GPBP1: variants seen among roughly 807,000 people sequenced by gnomAD.
GPBP1 encodes the protein vasculin.
Under a neutral mutation model 56.5 loss-of-function variants are expected in GPBP1, and 13 were observed. The observed-to-expected ratio is 0.23, with a 90% CI of 0.15 to 0.37. The LOEUF (loss-of-function observed/expected upper bound fraction) is 0.37, where lower values mean the gene tolerates loss of function less well. Among genes scored for constraint, GPBP1 ranks in the 10% least tolerant of loss-of-function variants. GPBP1 has a pLI of 1.00. For synonymous variants in GPBP1, 204 were observed against 188.9 expected (o/e 1.08, Z -0.66); for missense variants, 477 against 572.3 (o/e 0.83, Z 1.70).
chr5:57,213,831 G>A (rs145295474), intron 2 of GPBP1, among the ~76,000 whole-genome samples: 6 of 152,300 alleles, frequency 3.9e-5, no homozygotes, highest in South Asian at 4.1e-4. Flanking sequence ...TTTGACAAAT[G>A]TGTACAGTTG....
chr5:57,262,438 C>A (rs546066867), intron 11 of GPBP1, among the ~76,000 whole-genome samples, 156 bp from the exon 12 acceptor site: 1 of 152,260 alleles, frequency 6.6e-6, no homozygotes, highest in South Asian at 2.1e-4. Context: ...TTATTACTCA[C>A]ATCTACTTTG....
intron 2 of GPBP1, among the ~76,000 whole-genome samples, chr5:57,182,440 T>C (rs13182837): frequency 0.21 from 31,430 of 150,904 alleles, 4,007 homozygotes; most frequent in Middle Eastern, 0.31. Flanking sequence ...TGGTGCGATC[T>C]CGGTTCACTG....
rs747910713 is a variant in GPBP1, at chr5:57,246,356, A to G, written c.535A>G (p.Asn179Asp). The change falls in exon 7 of 12, where the codon AAT (asparagine) becomes GAT (aspartate). Residue 179 changes from asparagine (N) to aspartate (D), a missense_variant. Physicochemically the swap from Asn to Asp is conservative, Grantham distance 23. This residue lies in a region of GPBP1 where 414 missense variants were observed against 458.2 expected (regional missense o/e 0.90). Coordinates refer to ENST00000506184, the MANE Select transcript of GPBP1 (RefSeq NM_022913.4). ...AAGGATGCTGGTCATTAAGAAAGGT[A>G]ATACAAAAGACTTACAGCTATCTGG... ...APRMLVIKKG[N>D]TKDLQLSGFP... 12 of 1,613,680 alleles carry G rather than the reference A, an allele frequency of 7.4e-6. No individual in the cohort carries two copies. Among genetic ancestry groups the G allele is most frequent in the African/African-American group, 5.3e-5 (4 of 74,926 alleles).
At chr5:57,194,137 G>A (rs1212022106) in intron 2 of GPBP1, among the ~76,000 whole-genome samples, 3 of 152,120 alleles carry the variant, frequency 2.0e-5, no homozygotes, top group Non-Finnish European at 4.4e-5. Context: ...TTTATTGGCT[G>A]CATGCTAGTA....
intron 10 of GPBP1, among the ~76,000 whole-genome samples, chr5:57,255,078 G>C (rs1741593468): frequency 6.6e-6 from 1 of 152,050 alleles, no homozygotes; most frequent in African/African-American, 2.4e-5. Flanking sequence ...TCATTCTAAT[G>C]AATCACCTTG....
intron 6 of GPBP1, among the ~76,000 whole-genome samples, chr5:57,236,392 A>C (rs958776879): frequency 4.6e-5 from 7 of 152,212 alleles, no homozygotes; most frequent in African/African-American, 1.4e-4. Flanking sequence ...TGAAAACTTT[A>C]ACTGGAAATA....
chr5:57,218,202 G>A (rs185103866), intron 3 of GPBP1, among the ~76,000 whole-genome samples: 19 of 152,120 alleles, frequency 1.2e-4, no homozygotes, highest in Admixed American at 3.3e-4. Context: ...ATTCATTTCA[G>A]TTCTGACACT....
intron 2 of GPBP1, among the ~76,000 whole-genome samples, chr5:57,210,158 A>C (rs1462032029): frequency 6.6e-6 from 1 of 152,210 alleles, no homozygotes; most frequent in Non-Finnish European, 1.5e-5. Flanking sequence ...TTTTTTGCCA[A>C]AGTGTATTCT....
In GPBP1 at chr5:57,196,008, T is replaced by TAAAAAAAAAA. The variant is rs1561330293; in HGVS notation, c.-57-18066_-57-18065insAAAAAAAAAA. On this transcript the variant is annotated intron_variant, in intron 2 of 11. Transcript: ENST00000506184. ...AAAAAAAAAAAAAAAAAAAAAAAAT[T>TAAAAAAAAAA]TTTTTTTTTTGTTTGCAAGGGTTGA... 1.5e-4 allele frequency among the ~76,000 whole-genome samples: 8 copies of TAAAAAAAAAA among 53,870 alleles called. 1 individual carries two copies. Among genetic ancestry groups the TAAAAAAAAAA allele is most frequent in the African/African-American group, 4.5e-4 (8 of 17,650 alleles). 35.3% of individuals were successfully genotyped at this position (53,870 alleles called of 152,430 possible). A position where few individuals can be genotyped will look rare whatever the true frequency, so the allele number is the denominator to read the frequency against.
intron 11 of GPBP1, 132 bp from the exon 12 acceptor site, chr5:57,262,462 T>C: frequency 1.5e-6 from 1 of 687,102 alleles, no homozygotes; most frequent in Non-Finnish European, 2.5e-6. Context: ...GGATCCAGAA[T>C]TTTTTCAGAA....
intron 2 of GPBP1, among the ~76,000 whole-genome samples, chr5:57,189,311 G>C (rs1027118139): frequency 6.6e-6 from 1 of 152,212 alleles, no homozygotes; most frequent in African/African-American, 2.4e-5. Flanking sequence ...TAGAGACGGG[G>C]CTTTGTCATG....
chr5:57,202,626 C>T (rs551008871), intron 2 of GPBP1, among the ~76,000 whole-genome samples: 2 of 152,160 alleles, frequency 1.3e-5, no homozygotes, highest in East Asian at 3.9e-4. Flanking sequence ...TCATTTGAAC[C>T]CTCGAAGTGA....
intron 3 of GPBP1, among the ~76,000 whole-genome samples, chr5:57,218,094 T>C (rs1580021037): frequency 1.3e-5 from 2 of 152,326 alleles, no homozygotes; most frequent in South Asian, 2.1e-4. Context: ...CCACTTTTTT[T>C]CCTCTCTACT....
chr5:57,261,112 A>G (rs1741876566), intron 10 of GPBP1, 68 bp from the exon 11 acceptor site: 5 of 965,876 alleles, frequency 5.2e-6, no homozygotes, highest in African/African-American at 3.2e-5. Context: ...TTTCTTATAC[A>G]TAATGTAAAT....
intron 3 of GPBP1, among the ~76,000 whole-genome samples, chr5:57,217,760 A>C (rs554265380): frequency 6.6e-6 from 1 of 150,644 alleles, no homozygotes; most frequent in Non-Finnish European, 1.5e-5. Context: ...GCTCACACCT[A>C]TAATCCCAGT....
intron 2 of GPBP1, among the ~76,000 whole-genome samples, chr5:57,208,519 C>T (rs1157796957): frequency 6.6e-6 from 1 of 152,086 alleles, no homozygotes; most frequent in Non-Finnish European, 1.5e-5. Flanking sequence ...AGGCGTGAAC[C>T]ACTGTAGCCT....
intron 2 of GPBP1, among the ~76,000 whole-genome samples, chr5:57,209,279 C>T (rs1001327270): frequency 1.3e-5 from 2 of 151,976 alleles, no homozygotes; most frequent in African/African-American, 4.8e-5. Flanking sequence ...TTACTTTTTC[C>T]TTCCCAATTT....
Position 57,183,422 on chromosome 5 carries a change from C to T in GPBP1, c.-58+7022C>T, listed in dbSNP as rs145659406. 2.3e-3 allele frequency among the ~76,000 whole-genome samples: 344 copies of T among 152,160 alleles called. 2 individuals carry two copies. Among genetic ancestry groups the T allele is most frequent in the African/African-American group, 8.0e-3 (334 of 41,516 alleles). ...AACATATGTACAACTCTTAAGTTAT[C>T]CTTTCTCCGAAACTGAGAATCTGGG... On this transcript the variant is annotated intron_variant, in intron 2 of 11. Transcript: ENST00000506184.
At chr5:57,244,982 C>T (rs554489438) in intron 6 of GPBP1, among the ~76,000 whole-genome samples, 9 of 152,188 alleles carry the variant, frequency 5.9e-5, no homozygotes, top group South Asian at 2.1e-4. Flanking sequence ...ATGGTCTGCC[C>T]GCCTCATCTC....
Sources: gnomAD v4.1 joint callset for allele counts (sites outside exome capture counted in the v4.1 genomes callset) on GRCh38, gnomAD v4.1.1 for gene constraint, gnomAD v4.1.1 regional missense constraint, MANE v1.5 for transcripts, NCBI Gene and HGNC (gene_info 2026-07-23, HGNC 2026-07-21) for gene names.